The following LRRC37A2 variants were observed in gnomAD, a reference collection of about 807,000 sequenced individuals.
LRRC37A2 encodes the protein leucine rich repeat containing 37 member A2, also known as leucine-rich repeat-containing protein 37A2.
In LRRC37A2, 9 loss-of-function variants were observed where a neutral mutation model predicts 68.8. That is an observed-to-expected ratio of 0.13 (90% CI 0.08 to 0.23). LRRC37A2 has a LOEUF of 0.23. Ranked by LOEUF, LRRC37A2 falls within the 10% of genes least tolerant of loss-of-function variation. The probability of loss-of-function intolerance (pLI) is 1.00; values close to 1 mark genes in which losing one functional copy is unlikely to be tolerated. For synonymous variants in LRRC37A2, 63 were observed against 367.6 expected, an observed-to-expected ratio of 0.17 and a Z score of 9.48; for missense variants, 168 against 950.4, an observed-to-expected ratio of 0.18 and a Z score of 10.82.
At chr17:46,697,726 ACT>A in the LRRC37A2 span, among the ~76,000 whole-genome samples, 1 of 149,720 alleles carries the variant, frequency 6.7e-6, no homozygotes. Context: ...ACGGAGTCTC[ACT>A]CTGTCGCCCA....
the LRRC37A2 span, among the ~76,000 whole-genome samples, chr17:46,986,798 C>T: frequency 6.6e-6 from 1 of 152,124 alleles, no homozygotes; most frequent in African/African-American, 2.4e-5. Context: ...GTGATCCTGG[C>T]CACTTTCAGG....
the LRRC37A2 span, among the ~76,000 whole-genome samples, chr17:46,605,396 C>T: frequency 6.6e-4 from 88 of 133,162 alleles, no homozygotes; most frequent in African/African-American, 1.6e-3. Flanking sequence ...TGCAGTGAGC[C>T]GAGATCGTGC....
the LRRC37A2 span, among the ~76,000 whole-genome samples, chr17:46,918,102 C>T: frequency 3.5e-4 from 54 of 152,202 alleles, no homozygotes; most frequent in Non-Finnish European, 6.8e-4. Context: ...TTTTTTGATA[C>T]GGAATCTCGC....
At chr17:46,992,972 G>A in the LRRC37A2 span, among the ~76,000 whole-genome samples, 1 of 151,502 alleles carries the variant, frequency 6.6e-6, no homozygotes, top group African/African-American at 2.4e-5. Context: ...CTCCTTTCTG[G>A]TAAGTTTCTA....
At chr17:46,491,139 C>T in the LRRC37A2 span, among the ~76,000 whole-genome samples, 12 of 151,062 alleles carry the variant, frequency 7.9e-5, no homozygotes, top group South Asian at 1.5e-3. Flanking sequence ...TCAGGCGATC[C>T]GCCCGCCTCA....
the LRRC37A2 span, among the ~76,000 whole-genome samples, chr17:46,816,119 A>ACACACACACACACACACACGCACG: frequency 6.6e-6 from 1 of 150,552 alleles, no homozygotes; most frequent in African/African-American, 2.4e-5. Context: ...ACGTACACAC[A>ACACACACACACACACACACGCACG]CACACACACA....
chr17:46,992,789 T>C, the LRRC37A2 span, among the ~76,000 whole-genome samples: 1 of 143,176 alleles, frequency 7.0e-6, no homozygotes, highest in Non-Finnish European at 1.5e-5. Flanking sequence ...GGAGATAGAG[T>C]TTGCAGTGAG....
the LRRC37A2 span, chr17:46,721,493 T>C: frequency 2.5e-6 from 2 of 807,790 alleles, no homozygotes; most frequent in Non-Finnish European, 4.1e-6. Context: ...TTACCTGTTC[T>C]ACAGGAAACT....
the LRRC37A2 span, chr17:47,010,710 G>A: frequency 5.3e-5 from 8 of 152,222 alleles, no homozygotes; most frequent in Admixed American, 2.6e-4. Context: ...CTTGTTCTTC[G>A]GATCCTCCCA....
chr17:46,863,738 G>A, the LRRC37A2 span, among the ~76,000 whole-genome samples: 4 of 152,208 alleles, frequency 2.6e-5, no homozygotes, highest in Non-Finnish European at 5.9e-5. Flanking sequence ...AGACATGGCA[G>A]AGGACAAGGG....
the LRRC37A2 span, among the ~76,000 whole-genome samples, chr17:46,955,019 C>T: frequency 6.6e-6 from 1 of 152,298 alleles, no homozygotes; most frequent in Non-Finnish European, 1.5e-5. Context: ...TTTCCTTCTG[C>T]CTGATTGCCC....
At chr17:47,020,731 A>C in the LRRC37A2 span, among the ~76,000 whole-genome samples, 1 of 134,188 alleles carries the variant, frequency 7.5e-6, no homozygotes, top group South Asian at 2.6e-4. Context: ...GCAGTGAGCC[A>C]AGATTGCACC....
At chr17:46,622,521 G>A in the LRRC37A2 span, among the ~76,000 whole-genome samples, 1 of 149,472 alleles carries the variant, frequency 6.7e-6, no homozygotes, top group African/African-American at 2.5e-5. Context: ...AGTGGCTCAC[G>A]CCTGTAATCC....
the LRRC37A2 span, among the ~76,000 whole-genome samples, chr17:46,977,221 T>C: frequency 6.6e-6 from 1 of 152,208 alleles, no homozygotes; most frequent in Admixed American, 6.5e-5. Flanking sequence ...TTCGCTTCTC[T>C]TAGCTAAAAG....
the LRRC37A2 span, chr17:47,018,209 A>G: frequency 6.2e-7 from 1 of 1,611,682 alleles, no homozygotes; most frequent in African/African-American, 1.3e-5. Flanking sequence ...CTGCAACCCA[A>G]CAGGAGGCCC....
chr17:47,029,152 T>A, the LRRC37A2 span, among the ~76,000 whole-genome samples: 1 of 151,398 alleles, frequency 6.6e-6, no homozygotes, highest in Non-Finnish European at 1.5e-5. Flanking sequence ...CACTCCAACC[T>A]CCCCTCCAGG....
At chr17:46,817,377 C>G in the LRRC37A2 span, among the ~76,000 whole-genome samples, 2 of 152,340 alleles carry the variant, frequency 1.3e-5, no homozygotes, top group Non-Finnish European at 2.9e-5. Context: ...CACCTCCCCC[C>G]GCCCAGGCCA....
the LRRC37A2 span, among the ~76,000 whole-genome samples, chr17:46,820,482 G>A: frequency 4.6e-5 from 7 of 151,984 alleles, no homozygotes; most frequent in Admixed American, 2.6e-4. Flanking sequence ...AAAGGGGCAG[G>A]GGGGAGGCGG....
At chr17:46,875,054 C>T in the LRRC37A2 span, 20 of 1,613,234 alleles carry the variant, frequency 1.2e-5, no homozygotes, top group Non-Finnish European at 1.6e-5. Flanking sequence ...CTCCTTTCCT[C>T]TCTTCCCCCT....
Sources: gnomAD v4.1 joint callset for allele counts (sites outside exome capture counted in the v4.1 genomes callset) on GRCh38, gnomAD v4.1.1 for gene constraint, MANE v1.5 for transcripts, NCBI Gene and HGNC (gene_info 2026-07-23, HGNC 2026-07-21) for gene names.